PCDH7: variants seen among roughly 807,000 people sequenced by gnomAD.
The protein encoded by PCDH7 is protocadherin-7.
In PCDH7, 17 loss-of-function variants were observed where a neutral mutation model predicts 58.9. That is an observed-to-expected ratio of 0.29 (90% CI 0.20 to 0.43). The LOEUF is 0.43. PCDH7 is among the 20% of genes least tolerant of loss of function. PCDH7 has a pLI of 1.00. For missense variants in PCDH7, 1,274 were observed against 1,441.0 expected, an observed-to-expected ratio of 0.88 and a Z score of 1.88; for synonymous variants, 664 against 616.4, an observed-to-expected ratio of 1.08 and a Z score of -1.14.
chr4:30,883,003 A>G (rs1025546356), intron 1 of PCDH7, among the ~76,000 whole-genome samples: 27 of 152,326 alleles, frequency 1.8e-4, no homozygotes, highest in Admixed American at 1.1e-3. Flanking sequence ...TCAGTGTGAT[A>G]CATATTTTGC....
intron 1 of PCDH7, among the ~76,000 whole-genome samples, chr4:30,758,957 T>TTTTTGTTACAG (rs1560339516): frequency 6.9e-6 from 1 of 144,860 alleles, no homozygotes; most frequent in Non-Finnish European, 1.5e-5. Context: ...TTTTTTTTTT[T>TTTTTGTTACAG]TTGTGATACA....
At chr4:31,091,005 TATA>T (rs1271813982) in intron 3 of PCDH7, among the ~76,000 whole-genome samples, 1 of 152,060 alleles carries the variant, frequency 6.6e-6, no homozygotes, top group Non-Finnish European at 1.5e-5. Context: ...TTTGTCTCAA[TATA>T]ATGAGTATTT....
chr4:30,947,242 C>T (rs1013890653), intron 2 of PCDH7, among the ~76,000 whole-genome samples: 1 of 152,004 alleles, frequency 6.6e-6, no homozygotes, highest in Non-Finnish European at 1.5e-5. Context: ...GTTTTCCATG[C>T]GATTCATATT....
intron 3 of PCDH7, among the ~76,000 whole-genome samples, chr4:31,020,051 AGT>A (rs1753907325): frequency 6.6e-6 from 1 of 152,200 alleles, no homozygotes; most frequent in African/African-American, 2.4e-5. Context: ...AAAATAGAAA[AGT>A]AAATGTATCC....
intron 3 of PCDH7, among the ~76,000 whole-genome samples, chr4:30,968,416 G>A (rs73815118): frequency 0.039 from 787 of 20,374 alleles, 67 homozygotes; most frequent in African/African-American, 0.12. Context: ...ATATATATAT[G>A]GGATATTATG....
intron 3 of PCDH7, among the ~76,000 whole-genome samples, chr4:31,016,746 A>G (rs911057943): frequency 2.0e-5 from 3 of 152,236 alleles, no homozygotes; most frequent in Non-Finnish European, 4.4e-5. Flanking sequence ...CTGTCTCAAT[A>G]CAGTGTCTCA....
intron 3 of PCDH7, among the ~76,000 whole-genome samples, chr4:31,021,446 G>T (rs1275264694): frequency 1.3e-5 from 2 of 152,184 alleles, no homozygotes; most frequent in African/African-American, 4.8e-5. Flanking sequence ...GAAAAAGGCA[G>T]TTCTGACCTT....
At position 30,898,500 on chromosome 4, in the gene PCDH7, A is replaced by G. The variant is rs557599081; in HGVS notation, c.71-21653A>G. 4.6e-5 allele frequency among the ~76,000 whole-genome samples: 7 copies of G among 152,334 alleles called. No individual in the cohort carries two copies. In the South Asian group the frequency reaches 1.5e-3, roughly 32 times the overall value. ...ACTCCGCAGATCACATTATTTCTAGAGATCAGAATAATCTAGATTGCTTGT... is the reference window on the plus strand; with the variant it reads ...ACTCCGCAGATCACATTATTTCTAGGGATCAGAATAATCTAGATTGCTTGT... On this transcript the variant is annotated intron_variant, in intron 1 of 3. Transcript: ENST00000509759.
At chr4:31,065,957 T>C (rs1009295864) in intron 3 of PCDH7, among the ~76,000 whole-genome samples, 5 of 151,886 alleles carry the variant, frequency 3.3e-5, no homozygotes, top group African/African-American at 1.2e-4. Flanking sequence ...ATACATAATA[T>C]TGGGTAATTG....
chr4:30,845,505 TG>T (rs1731809145), intron 1 of PCDH7, among the ~76,000 whole-genome samples: 1 of 152,278 alleles, frequency 6.6e-6, no homozygotes, highest in Non-Finnish European at 1.5e-5. Context: ...TACATTGTGG[TG>T]TGCTTGAAAC....
At chr4:31,112,054 T>A (rs1158624733) in intron 3 of PCDH7, among the ~76,000 whole-genome samples, 1 of 152,230 alleles carries the variant, frequency 6.6e-6, no homozygotes, top group Non-Finnish European at 1.5e-5. Context: ...TATTGTAAAA[T>A]CTAAAAGTTA....
chr4:31,080,586 G>A (rs554180421), intron 3 of PCDH7, among the ~76,000 whole-genome samples: 14 of 151,902 alleles, frequency 9.2e-5, no homozygotes, highest in African/African-American at 2.9e-4. Flanking sequence ...GAGTAAGATC[G>A]TTCTTTAGAA....
intron 3 of PCDH7, among the ~76,000 whole-genome samples, chr4:31,086,551 A>T (rs1269434359): frequency 6.6e-6 from 1 of 152,198 alleles, no homozygotes; most frequent in Non-Finnish European, 1.5e-5. Context: ...ATTTGAGGAC[A>T]GAGGTATATT....
At chr4:31,144,242 G>A (rs1720531738), downstream of PCDH7, 1 of 152,152 alleles carries the variant, frequency 6.6e-6, no homozygotes, top group African/African-American at 2.4e-5. Context: ...TATCACTAAT[G>A]TGATTTGAAC....
At chr4:30,942,691 G>C (rs1339362465) in intron 2 of PCDH7, among the ~76,000 whole-genome samples, 1 of 151,876 alleles carries the variant, frequency 6.6e-6, no homozygotes, top group Non-Finnish European at 1.5e-5. Context: ...AGTAACCCAG[G>C]TTAAGAACAT....
At chr4:30,741,188 C>T (rs1305685245) in intron 1 of PCDH7, among the ~76,000 whole-genome samples, 2 of 151,946 alleles carry the variant, frequency 1.3e-5, no homozygotes, top group African/African-American at 4.8e-5. Context: ...AGTGAATTAA[C>T]TATGCGAGGC....
intron 1 of PCDH7, among the ~76,000 whole-genome samples, chr4:30,865,611 T>C (rs957575209): frequency 6.6e-6 from 1 of 152,116 alleles, no homozygotes; most frequent in Admixed American, 6.6e-5. Context: ...AGGTCCATAA[T>C]AGTTTGTAAA....
At chr4:30,939,515 G>A (rs35231537) in intron 2 of PCDH7, among the ~76,000 whole-genome samples, 29,836 of 151,972 alleles carry the variant, frequency 0.2, 3,676 homozygotes, top group East Asian at 0.29. Flanking sequence ...AGGGTTTTAC[G>A]TTGAAATAGT....
At chr4:31,056,511 A>AAGAAAGAG (rs1338497768) in intron 3 of PCDH7, among the ~76,000 whole-genome samples, 1 of 100,054 alleles carries the variant, frequency 1.0e-5, no homozygotes, top group Non-Finnish European at 2.1e-5. Flanking sequence ...GAAAGAAAGA[A>AAGAAAGAG]AGAAAGGGGA....
Sources: gnomAD v4.1 joint callset for allele counts (sites outside exome capture counted in the v4.1 genomes callset) on GRCh38, gnomAD v4.1.1 for gene constraint, MANE v1.5 for transcripts, NCBI Gene and HGNC (gene_info 2026-07-23, HGNC 2026-07-21) for gene names.